DNAH6: variants seen among roughly 807,000 people sequenced by gnomAD.
DNAH6 encodes the protein axonemal beta dynein heavy chain 6.
In DNAH6, 340 loss-of-function variants were observed where a neutral mutation model predicts 491.4. The observed-to-expected ratio is 0.69, with a 90% CI of 0.63 to 0.76. The LOEUF is 0.76. Among genes scored for constraint, DNAH6 ranks in the 30% least tolerant of loss-of-function variants. The pLI is 0.00. For synonymous variants in DNAH6, 1,603 were observed against 1,686.1 expected, an observed-to-expected ratio of 0.95 and a Z score of 1.21; for missense variants, 4,443 against 4,972.2, an observed-to-expected ratio of 0.89 and a Z score of 3.20.
At chr2:84,527,324 A>T (rs1383175259) in intron 3 of DNAH6, among the ~76,000 whole-genome samples, 1 of 152,156 alleles carries the variant, frequency 6.6e-6, no homozygotes. Flanking sequence ...CTGCTGAAGA[A>T]CACAGCAGAA....
intron 10 of DNAH6, among the ~76,000 whole-genome samples, chr2:84,553,628 AT>A (rs748931607): frequency 0.023 from 2,124 of 90,792 alleles, 41 homozygotes; most frequent in African/African-American, 0.087. Context: ...AGGACTGGCT[AT>A]TTTTTTTTTT....
Position 84,718,210 on chromosome 2 carries a change from G to T in DNAH6, c.9618G>T (p.Val3206=). 6.5e-7 allele frequency: 1 copy of T among 1,529,492 alleles called. No homozygotes were observed. Among genetic ancestry groups the T allele is most frequent in the South Asian group, 1.3e-5 (1 of 79,374 alleles). The allele number at this position is 1,529,492 out of a possible 1,614,324, so 94.7% of individuals were successfully genotyped here. ...SGLEDQLLSD[V]VRLEKPRLEE... ...ATCTGAACTTTGGTTTTAGTGATGT[G>T]GTGCGACTTGAAAAACCCAGGTTGG... The change falls in exon 59 of 77, where the codon GTG becomes GTT. Residue 3206 remains valine (V), a synonymous_variant. Transcript: ENST00000389394.
chr2:84,584,275 AAAT>A (rs772041917), intron 15 of DNAH6, 25 bp downstream of exon 15: 1 of 1,607,152 alleles, frequency 6.2e-7, no homozygotes, highest in South Asian at 1.1e-5. Flanking sequence ...TATTTTGTAA[AAAT>A]AATCTATGCA....
chr2:84,577,264 CT>C lies in DNAH6; in HGVS notation c.1938del (p.Phe646LeufsTer16). The C allele has an allele frequency of 1.9e-6, 3 of 1,575,098 alleles. No individual in the cohort carries two copies. Among genetic ancestry groups the C allele is most frequent in the South Asian group, 1.2e-5 (1 of 82,000 alleles). On this transcript the variant is annotated frameshift_variant, in exon 13 of 77. Transcript: ENST00000389394. LOFTEE classifies it high-confidence loss of function. ...GTGAATTTTTTTATGTAGATATTAA[CT>C]TTTTTAGTGAACAACTGGAAAAATA... The part of the protein sequence containing the change: ...ALKLQEPDIN[F>X]FSEQLEKYHK...
intron 68 of DNAH6, 82 bp from the exon 69 acceptor site, chr2:84,796,224 T>C (rs1338387700): frequency 1.1e-6 from 1 of 950,002 alleles, no homozygotes; most frequent in East Asian, 2.8e-5. Context: ...TGTGTATAAA[T>C]AAACATTAAA....
chr2:84,784,871 GC>G (rs1677028720), intron 66 of DNAH6, 61 bp downstream of exon 66: 1 of 1,202,354 alleles, frequency 8.3e-7, no homozygotes, highest in East Asian at 2.6e-5. Context: ...TTCACCTAGT[GC>G]CTCCCAGGAG....
chr2:84,661,720 A>G (rs1691526457), intron 37 of DNAH6, among the ~76,000 whole-genome samples: 1 of 152,218 alleles, frequency 6.6e-6, no homozygotes, highest in Non-Finnish European at 1.5e-5. Flanking sequence ...TTCTTTCCAA[A>G]ATATTTTGAA....
chr2:84,766,240 A>G (rs1675061106), intron 64 of DNAH6, among the ~76,000 whole-genome samples: 3 of 152,336 alleles, frequency 2.0e-5, no homozygotes, highest in South Asian at 2.1e-4. Flanking sequence ...CTTAACAAAT[A>G]TAACAAATGC....
At chr2:84,610,949 A>G (rs1686261830) in intron 21 of DNAH6, among the ~76,000 whole-genome samples, 1 of 152,182 alleles carries the variant, frequency 6.6e-6, no homozygotes, top group South Asian at 2.1e-4. Flanking sequence ...AATTGCTTGG[A>G]AAGTGTGAGA....
intron 70 of DNAH6, among the ~76,000 whole-genome samples, chr2:84,805,320 A>T (rs1480956452): frequency 6.6e-6 from 1 of 152,236 alleles, no homozygotes; most frequent in East Asian, 1.9e-4. Context: ...TATCTAAAAT[A>T]GTCAAATTCA....
chr2:84,771,511 A>G (rs1192561613), intron 64 of DNAH6, among the ~76,000 whole-genome samples: 3 of 152,222 alleles, frequency 2.0e-5, no homozygotes, highest in Non-Finnish European at 4.4e-5. Context: ...AAAGACAGCT[A>G]TACCAAGACA....
chr2:84,796,610 A>C (rs1678376178), intron 69 of DNAH6, among the ~76,000 whole-genome samples, 185 bp downstream of exon 69: 1 of 152,200 alleles, frequency 6.6e-6, no homozygotes, highest in Non-Finnish European at 1.5e-5. Context: ...TACATAGTAC[A>C]TGGTAACTAC....
Position 84,685,469 on chromosome 2 carries a change from G to A in DNAH6, c.7060G>A (p.Ala2354Thr), listed in dbSNP as rs1215914053. The change falls in exon 43 of 77, where the codon GCC becomes ACC. Residue 2354 changes from alanine to threonine, a missense_variant. Ala to Thr is a moderately conservative substitution (Grantham distance 58). Coordinates refer to ENST00000389394, the MANE Select transcript of DNAH6 (RefSeq NM_001370.2). Reference protein sequence around the residue: ...HYFHVILTEMANKHFGIAIDL... With the variant: ...HYFHVILTEMTNKHFGIAIDL... ...TTTCCATGTTATTCTGACAGAAATG[G>A]CCAGTAAATATGAATCTTTACCTAT... 9 of 1,471,980 alleles carry A rather than the reference G, an allele frequency of 6.1e-6. No homozygotes were observed. Among genetic ancestry groups the A allele is most frequent in the Admixed American group, 4.7e-5 (2 of 42,710 alleles). 91.2% of individuals were successfully genotyped at this position (1,471,980 alleles called of 1,614,324 possible).
Position 84,704,262 on chromosome 2 carries a change from A to C in DNAH6, c.8425A>C (p.Met2809Leu). Residue 2809 changes from methionine (M) to leucine (L), a missense_variant, in exon 51 of 77, where the codon ATG (methionine) becomes CTG (leucine). This residue lies in a region of DNAH6 where 1,463 missense variants were observed against 1,656.6 expected (regional missense o/e 0.88). Coordinates refer to ENST00000389394, the MANE Select transcript of DNAH6 (RefSeq NM_001370.2). ...RVFTKPPDLV[M>L]TVMEAISILL... The stretch of plus-strand genomic sequence containing the variant: ...TTTTACAAAGCCCCCAGATTTGGTC[A>C]TGACAGTAATGGAAGCAATCTCCAT... The C allele has an allele frequency of 1.3e-6, 2 of 1,551,774 alleles. No homozygotes were observed. The highest frequency in any genetic ancestry group is 1.7e-6 in the Non-Finnish European group (2 of 1,147,002).
chr2:84,481,966 A>C, the DNAH6 span, among the ~76,000 whole-genome samples: 96 of 152,244 alleles, frequency 6.3e-4, 4 homozygotes, highest in East Asian at 0.011. Flanking sequence ...CTCTGCCCCT[A>C]CACATTCCTC....
At chr2:84,610,043 G>A (rs555978570) in intron 21 of DNAH6, among the ~76,000 whole-genome samples, 4 of 152,230 alleles carry the variant, frequency 2.6e-5, no homozygotes, top group East Asian at 3.9e-4. Context: ...CAATCAAGAT[G>A]TCAGCCAGAC....
chr2:84,654,867 ACTCATG>A, intron 35 of DNAH6, 85 bp downstream of exon 35: 1 of 1,435,944 alleles, frequency 7.0e-7, no homozygotes. Context: ...TAGGTTAAGG[ACTCATG>A]GTTCTTGATT....
chr2:84,728,016 G>A, intron 61 of DNAH6, 114 bp downstream of exon 61: 1 of 682,278 alleles, frequency 1.5e-6, no homozygotes, highest in Non-Finnish European at 2.5e-6. Flanking sequence ...GGACCTGGTG[G>A]GAGATTACTG....
In DNAH6 at chr2:84,619,772, C is replaced by T. The variant is rs1385325342; in HGVS notation, c.3660C>T (p.Cys1220=). Reference sequence around the variant, plus strand: ...CCGTGCAGCCACACTTAAGGAAATGCTTCGACTCCATTTCAAAGCTCGAAT... The same window carrying T: ...CCGTGCAGCCACACTTAAGGAAATGTTTCGACTCCATTTCAAAGCTCGAAT... ...PQAVQPHLRK[C]FDSISKLEFA... is the part of the protein sequence containing the mutation. The change falls in exon 24 of 77, where the codon TGC becomes TGT. Residue 1220 remains cysteine, a synonymous_variant. Coordinates refer to ENST00000389394, the MANE Select transcript of DNAH6 (RefSeq NM_001370.2). 2 of 1,551,626 alleles carry T rather than the reference C, an allele frequency of 1.3e-6. No individual in the cohort carries two copies. The highest frequency in any genetic ancestry group is 1.7e-6 in the Non-Finnish European group (2 of 1,146,860).
Sources: allele counts gnomAD v4.1 joint callset (sites outside exome capture counted in the v4.1 genomes callset), GRCh38; gene constraint gnomAD v4.1.1; regional missense constraint gnomAD v4.1.1; transcripts MANE v1.5; gene names NCBI Gene and HGNC (gene_info 2026-07-23, HGNC 2026-07-21).